The following CGAS variants were observed in gnomAD, a reference collection of about 807,000 sequenced individuals.
CGAS encodes the protein cyclic GMP-AMP synthase, also known as 2'3'-cGAMP synthase.
In CGAS, 31 loss-of-function variants were observed where a neutral mutation model predicts 34.0. That is an observed-to-expected ratio of 0.91 (90% CI 0.69 to 1.23). The LOEUF (loss-of-function observed/expected upper bound fraction) is 1.23. Among genes scored for constraint, CGAS ranks in the 50% most tolerant of loss-of-function variants. The probability of loss-of-function intolerance (pLI) is 0.00; values close to 1 mark genes in which losing one functional copy is unlikely to be tolerated. For missense variants in CGAS, 597 were observed against 657.6 expected (o/e 0.91, Z 1.01); for synonymous variants, 266 against 260.0 (o/e 1.02, Z -0.22).
In CGAS at chr6:73,424,653, C is replaced by T. The variant is rs1770055503; in HGVS notation, c.*574G>A. On this transcript the variant is annotated 3_prime_UTR_variant, in exon 5 of 5. Transcript: ENST00000370315. ...TTTTGCTTCTTATTCCTTGACTAATCTTTTTCCTAGGATAGTCAATCCTTT... is the reference window on the plus strand; with the variant it reads ...TTTTGCTTCTTATTCCTTGACTAATTTTTTTCCTAGGATAGTCAATCCTTT... 6.6e-6 allele frequency: 1 copy of T among 151,940 alleles called. No individual in the cohort carries two copies. Among genetic ancestry groups the T allele is most frequent in the Admixed American group, 6.6e-5 (1 of 15,234 alleles). 9.4% of individuals were successfully genotyped at this position (151,940 alleles called of 1,614,324 possible). A position where few individuals can be genotyped will look rare whatever the true frequency, so the allele number is the denominator to read the frequency against.
At chr6:73,449,657 C>G (rs1382642725) in intron 1 of CGAS, among the ~76,000 whole-genome samples, 1 of 152,082 alleles carries the variant, frequency 6.6e-6, no homozygotes, top group African/African-American at 2.4e-5. Context: ...AGAGACATAT[C>G]TGATGCTGAA....
chr6:73,450,426 AAAAG>A lies in CGAS; in HGVS notation c.657+1095_657+1098del, dbSNP rs1181270966. Among the ~76,000 whole-genome samples, 37 of 151,968 alleles carry A rather than the reference AAAAG, an allele frequency of 2.4e-4. No homozygotes were observed. The East Asian group carries it at 2.9e-3, about 12-fold the overall frequency. Reference sequence around the variant, plus strand: ...GCGAAACTCCGTCTCAAAAAAAAAAAAAAGAAAGAAAGAAAGAAAAAGAAAAAGA... The same window carrying A: ...GCGAAACTCCGTCTCAAAAAAAAAAAAAAGAAAGAAAGAAAAAGAAAAAGA... On this transcript the variant is annotated intron_variant, in intron 1 of 4. Transcript: ENST00000370315.
chr6:73,441,310 A>T (rs1279252383), intron 2 of CGAS, among the ~76,000 whole-genome samples: 1 of 152,106 alleles, frequency 6.6e-6, no homozygotes, highest in East Asian at 1.9e-4. Context: ...AGGAGAGGCC[A>T]GATGGGCAAG....
chr6:73,447,894 G>A (rs6907936), intron 1 of CGAS, among the ~76,000 whole-genome samples: 129,877 of 152,136 alleles, frequency 0.85, 55,534 homozygotes, highest in East Asian at 0.95. Flanking sequence ...CAGTTTATAT[G>A]TGAAGCCAAT....
At chr6:73,426,936 T>C (rs980345246) in intron 4 of CGAS, among the ~76,000 whole-genome samples, 1 of 151,702 alleles carries the variant, frequency 6.6e-6, no homozygotes, top group Non-Finnish European at 1.5e-5. Flanking sequence ...CCGCAACCTC[T>C]GCCTACTGGG....
At chr6:73,431,786 A>G (rs1295231147) in intron 3 of CGAS, among the ~76,000 whole-genome samples, 1 of 152,202 alleles carries the variant, frequency 6.6e-6, no homozygotes, top group East Asian at 1.9e-4. Flanking sequence ...CTTACAAGAC[A>G]AGCGGAAATT....
chr6:73,427,774 G>T (rs976387754), intron 4 of CGAS, among the ~76,000 whole-genome samples: 1 of 152,116 alleles, frequency 6.6e-6, no homozygotes, highest in Non-Finnish European at 1.5e-5. Context: ...TTGGTGACCA[G>T]CCTGCCTGGG....
chr6:73,427,626 A>C (rs891734244), intron 4 of CGAS, among the ~76,000 whole-genome samples: 1 of 151,960 alleles, frequency 6.6e-6, no homozygotes, highest in Non-Finnish European at 1.5e-5. Context: ...TAGAAACTCA[A>C]ATGAACAATT....
intron 1 of CGAS, among the ~76,000 whole-genome samples, chr6:73,447,719 C>G (rs1011324093): frequency 6.6e-6 from 1 of 152,108 alleles, no homozygotes; most frequent in African/African-American, 2.4e-5. Context: ...TCCCAAATAG[C>G]TGGGACTATC....
intron 3 of CGAS, chr6:73,439,989 T>C (rs994395001): frequency 5.2e-5 from 25 of 482,938 alleles, no homozygotes; most frequent in African/African-American, 4.6e-4. Flanking sequence ...AAAATTCAAA[T>C]ATGGATTGCT....
chr6:73,446,124 T>C (rs556287726), intron 1 of CGAS, among the ~76,000 whole-genome samples: 1,697 of 151,922 alleles, frequency 0.011, 36 homozygotes, highest in African/African-American at 0.038. Flanking sequence ...AGGTCAGGTG[T>C]TCGAGACCAG....
chr6:73,440,911 AAAAAAAC>A (rs928009593), intron 2 of CGAS, among the ~76,000 whole-genome samples: 5 of 151,928 alleles, frequency 3.3e-5, no homozygotes, highest in East Asian at 1.9e-4. Context: ...CAAAAAAGAA[AAAAAAAC>A]AAAAAACAAA....
chr6:73,431,093 C>T (rs1161103987), intron 3 of CGAS, among the ~76,000 whole-genome samples: 1 of 150,918 alleles, frequency 6.6e-6, no homozygotes, highest in Non-Finnish European at 1.5e-5. Flanking sequence ...CAGAGTGAGA[C>T]TCAGTCTCAA....
rs1298748755 is a variant in CGAS at position 73,428,786 on chromosome 6, A to G, written c.1140T>C (p.Ser380=). 3 of 1,613,650 alleles carry G rather than the reference A, an allele frequency of 1.9e-6. No homozygotes were observed. The highest frequency in any genetic ancestry group is 1.7e-5 in the Admixed American group (1 of 59,886). ...TGTTCAAAATTTCCTTTTCGATGTG[A>G]GAGAAGGATAGCCGCCATGTTTCTT... ...FQEETWRLSF[S]HIEKEILNNH... Residue 380 remains serine, a synonymous_variant, in exon 4 of 5, where the codon TCT becomes TCC. Transcript: ENST00000370315.
rs756195865 is a variant in CGAS at position 73,440,359 on chromosome 6, G to A, written c.964C>T (p.Leu322=). 6.2e-7 allele frequency: 1 copy of A among 1,614,038 alleles called. No individual in the cohort carries two copies. Among genetic ancestry groups the A allele is most frequent in the Non-Finnish European group, 8.5e-7 (1 of 1,180,048 alleles). The part of the protein sequence containing the change: ...ISEKISVDIT[L]ALESKSSWPA... ...CAGCTACTTTTTGATTCCAAAGCCA[G>A]GGTTATATCCACAGATATTTTTTCA... Residue 322 remains leucine (L), a synonymous_variant, in exon 3 of 5, where the codon CTG becomes TTG. Transcript: ENST00000370315.
At chr6:73,433,482 G>C (rs559655013) in intron 3 of CGAS, among the ~76,000 whole-genome samples, 2 of 147,806 alleles carry the variant, frequency 1.4e-5, no homozygotes, top group African/African-American at 5.0e-5. Flanking sequence ...CTTTTATAGA[G>C]AGTTTTTTTT....
chr6:73,432,322 C>CG (rs1326043577), intron 3 of CGAS, among the ~76,000 whole-genome samples: 10 of 151,774 alleles, frequency 6.6e-5, no homozygotes, highest in African/African-American at 2.4e-4. Context: ...CCACCATGCC[C>CG]GGCTAATTTT....
Position 73,439,979 on chromosome 6 carries a change from A to G in CGAS, c.1114+230T>C. On this transcript the variant is annotated intron_variant, in intron 3 of 4. Coordinates refer to ENST00000370315, the MANE Select transcript of CGAS (RefSeq NM_138441.3). ...TTTTCTTTACCGAAAAAAATAAAAT[A>G]AAATTCAAATATGGATTGCTAGACA... 8.6e-6 allele frequency: 4 copies of G among 465,062 alleles called. No individual in the cohort carries two copies. The South Asian group carries it at 1.2e-4, about 14-fold the overall frequency. The allele number at this position is 465,062 out of a possible 1,614,324, so 28.8% of individuals were successfully genotyped here.
chr6:73,425,492 GAA>G lies in CGAS; in HGVS notation c.1302_1303del (p.Ser435LeufsTer30). 6.2e-7 allele frequency: 1 copy of G among 1,613,676 alleles called. No individual in the cohort carries two copies. The highest frequency in any genetic ancestry group is 8.5e-7 in the Non-Finnish European group (1 of 1,179,858). On this transcript the variant is annotated frameshift_variant, in exon 5 of 5. Transcript: ENST00000370315. LOFTEE classifies it low-confidence loss of function (END_TRUNC). ...AAAGAAGGCAGTTTTCACATGATAA[GAA>G]GAGAATTTATCCAGATGTTTTTTGT...
Sources: allele counts gnomAD v4.1 joint callset (sites outside exome capture counted in the v4.1 genomes callset), GRCh38; gene constraint gnomAD v4.1.1; transcripts MANE v1.5; gene names NCBI Gene and HGNC (gene_info 2026-07-23, HGNC 2026-07-21).